The following MLIP variants were observed in gnomAD, a reference collection of about 807,000 sequenced individuals.
MLIP encodes the protein muscular LMNA interacting protein.
In MLIP, 79 loss-of-function variants were observed where a neutral mutation model predicts 84.8. That is an observed-to-expected ratio of 0.93 (90% CI 0.78 to 1.12). The LOEUF (loss-of-function observed/expected upper bound fraction) is 1.12. Ranked by LOEUF, MLIP falls within the 50% of genes most tolerant of loss-of-function variation. The pLI is 0.00. For missense variants in MLIP, 1,257 were observed against 1,160.6 expected, an observed-to-expected ratio of 1.08 and a Z score of -1.21; for synonymous variants, 504 against 463.0, an observed-to-expected ratio of 1.09 and a Z score of -1.14.
At chr6:54,031,454 A>T (rs1182888952) in intron 1 of MLIP, 1 of 152,164 alleles carries the variant, frequency 6.6e-6, no homozygotes, top group Non-Finnish European at 1.5e-5. Flanking sequence ...TGTAAGCCTG[A>T]TACGTGGAAA....
intron 9 of MLIP, among the ~76,000 whole-genome samples, chr6:54,184,854 G>A (rs926032478): frequency 6.6e-6 from 1 of 151,922 alleles, no homozygotes; most frequent in African/African-American, 2.4e-5. Context: ...TGTAGAATAT[G>A]GATTACGAAT....
At chr6:54,240,292 A>G (rs899680505) in intron 12 of MLIP, among the ~76,000 whole-genome samples, 5 of 152,204 alleles carry the variant, frequency 3.3e-5, no homozygotes, top group African/African-American at 9.6e-5. Flanking sequence ...TGAAGAAACA[A>G]TCCATCAGTA....
At chr6:54,122,106 A>G (rs1233603342) in intron 2 of MLIP, among the ~76,000 whole-genome samples, 1 of 152,208 alleles carries the variant, frequency 6.6e-6, no homozygotes, top group Non-Finnish European at 1.5e-5. Context: ...AAAACTGTTT[A>G]TAACCTTTCA....
intron 10 of MLIP, among the ~76,000 whole-genome samples, chr6:54,201,657 G>T (rs1416727068): frequency 6.6e-6 from 1 of 152,140 alleles, no homozygotes; most frequent in Non-Finnish European, 1.5e-5. Context: ...TGGCATCTGG[G>T]GGCCCAGCTT....
intron 10 of MLIP, among the ~76,000 whole-genome samples, chr6:54,198,888 G>A (rs1487570141): frequency 3.5e-5 from 3 of 84,662 alleles, no homozygotes; most frequent in Non-Finnish European, 1.0e-4. Context: ...CTGTGTGTGT[G>A]TGTGTGTATA....
At chr6:54,159,330 T>C (rs757291412) in intron 5 of MLIP, among the ~76,000 whole-genome samples, 1 of 152,058 alleles carries the variant, frequency 6.6e-6, no homozygotes, top group Non-Finnish European at 1.5e-5. Flanking sequence ...AAAGAAAATA[T>C]GTGCTGAAAA....
At chr6:54,087,986 A>C (rs1767615342) in intron 1 of MLIP, among the ~76,000 whole-genome samples, 1 of 152,148 alleles carries the variant, frequency 6.6e-6, no homozygotes, top group African/African-American at 2.4e-5. Context: ...AGTGCAAGTT[A>C]CTGAGCTAAA....
chr6:54,035,592 A>G (rs1561881344), intron 1 of MLIP, among the ~76,000 whole-genome samples: 1 of 152,060 alleles, frequency 6.6e-6, no homozygotes, highest in African/African-American at 2.4e-5. Flanking sequence ...TCAGCAATGT[A>G]TGAGTGTCAC....
intron 9 of MLIP, among the ~76,000 whole-genome samples, chr6:54,188,796 A>G (rs1243883877): frequency 6.6e-6 from 1 of 150,548 alleles, no homozygotes; most frequent in East Asian, 2.0e-4. Context: ...CCAAAACACA[A>G]GAAAAAGAAA....
chr6:54,150,467 C>T (rs141428819), intron 5 of MLIP, among the ~76,000 whole-genome samples: 1,837 of 152,272 alleles, frequency 0.012, 45 homozygotes, highest in African/African-American at 0.04. Context: ...GTTCCCACAC[C>T]ACAGACTCTC....
At chr6:54,124,953 T>C in intron 3 of MLIP, 88 bp downstream of exon 3, 1 of 1,193,486 alleles carries the variant, frequency 8.4e-7, no homozygotes, top group Non-Finnish European at 1.1e-6. Context: ...CCATCCTGTT[T>C]AAGGCAGACA....
intron 1 of MLIP, among the ~76,000 whole-genome samples, chr6:54,059,662 A>C (rs1455271660): frequency 6.6e-6 from 1 of 152,182 alleles, no homozygotes; most frequent in Non-Finnish European, 1.5e-5. Flanking sequence ...TCACGAATGT[A>C]TGTTGTTCTT....
intron 3 of MLIP, 51 bp from the exon 4 acceptor site, chr6:54,136,664 C>T (rs1000983288): frequency 4.8e-5 from 65 of 1,366,960 alleles, no homozygotes; most frequent in Admixed American, 2.0e-4. Flanking sequence ...ATATTTTGAT[C>T]GTTTCACAAA....
chr6:54,030,149 T>G (rs1020702536), intron 1 of MLIP, among the ~76,000 whole-genome samples: 1 of 152,190 alleles, frequency 6.6e-6, no homozygotes, highest in Non-Finnish European at 1.5e-5. Context: ...CACTAGGAAG[T>G]GTGCCTTGAA....
At chr6:54,128,247 G>C (rs1215991792) in intron 3 of MLIP, among the ~76,000 whole-genome samples, 1 of 152,134 alleles carries the variant, frequency 6.6e-6, no homozygotes, top group Non-Finnish European at 1.5e-5. Flanking sequence ...AAAGAAGTTG[G>C]AAGTATGAAT....
intron 1 of MLIP, chr6:54,046,617 C>CT (rs897165431): frequency 1.3e-5 from 2 of 152,134 alleles, no homozygotes; most frequent in Non-Finnish European, 2.9e-5. Flanking sequence ...GACATTAAGA[C>CT]TGTGTTAATT....
At chr6:54,119,722 G>A (rs758135623) in intron 1 of MLIP, among the ~76,000 whole-genome samples, 68 of 152,086 alleles carry the variant, frequency 4.5e-4, no homozygotes, top group African/African-American at 1.6e-3. Context: ...TGATAATTAC[G>A]TGAGGAACTG....
chr6:54,145,789 C>A (rs1772756766), intron 4 of MLIP, among the ~76,000 whole-genome samples: 1 of 147,374 alleles, frequency 6.8e-6, no homozygotes, highest in South Asian at 2.1e-4. Flanking sequence ...CCACCCCCTC[C>A]CCCACAAAAA....
chr6:54,089,407 A>G (rs1045992028), intron 1 of MLIP, among the ~76,000 whole-genome samples: 4 of 152,060 alleles, frequency 2.6e-5, no homozygotes, highest in Non-Finnish European at 4.4e-5. Context: ...GGATAATTTT[A>G]CTCCCAGGAT....
Sources: gnomAD v4.1 joint callset for allele counts (sites outside exome capture counted in the v4.1 genomes callset) on GRCh38, gnomAD v4.1.1 for gene constraint, MANE v1.5 for transcripts, NCBI Gene and HGNC (gene_info 2026-07-23, HGNC 2026-07-21) for gene names.